The following MDN1 variants were observed in gnomAD, a reference collection of about 807,000 sequenced individuals.
The protein encoded by MDN1 is midasin.
In MDN1, 266 loss-of-function variants were observed where a neutral mutation model predicts 669.2. That is an observed-to-expected ratio of 0.40 (90% CI 0.36 to 0.44). The LOEUF (loss-of-function observed/expected upper bound fraction) is 0.44, where lower values mean the gene tolerates loss of function less well. Among genes scored for constraint, MDN1 ranks in the 20% least tolerant of loss-of-function variants. MDN1 has a pLI of 1.00. For synonymous variants in MDN1, 2,385 were observed against 2,457.1 expected, an observed-to-expected ratio of 0.97 and a Z score of 0.87; for missense variants, 5,940 against 6,754.0, an observed-to-expected ratio of 0.88 and a Z score of 4.22.
intron 86 of MDN1, 138 bp downstream of exon 86, chr6:89,662,654 A>G (rs924132817): frequency 1.2e-5 from 13 of 1,061,342 alleles, no homozygotes; most frequent in Middle Eastern, 2.1e-4. Flanking sequence ...GATAGGATAG[A>G]AAAAAGAAAA....
At position 89,761,689 on chromosome 6, in the gene MDN1, G is replaced by T. The variant is rs918144930; in HGVS notation, c.2416C>A (p.Gln806Lys). ...FGLRLNHAQQ[Q>K]MKMTENTLLF... is the part of the protein sequence containing the mutation. ...AAGGTATTTTCAGTCATTTTCATCT[G>T]TTGTTGGGCATGGTTGAGTCTAAGA... Residue 806 changes from glutamine (Q) to lysine (K), a missense_variant, in exon 17 of 102, where the codon CAG (glutamine) becomes AAG (lysine). Coordinates refer to ENST00000369393, the MANE Select transcript of MDN1 (RefSeq NM_014611.3). 2 of 1,612,710 alleles carry T rather than the reference G, an allele frequency of 1.2e-6. No individual in the cohort carries two copies. The highest frequency in any genetic ancestry group is 1.7e-6 in the Non-Finnish European group (2 of 1,179,330).
At chr6:89,807,344 C>T (rs531431634) in intron 1 of MDN1, among the ~76,000 whole-genome samples, 21 of 152,268 alleles carry the variant, frequency 1.4e-4, no homozygotes, top group Non-Finnish European at 2.6e-4. Context: ...ACCTAAGCCC[C>T]CAAAGTGCTG....
Position 89,730,899 on chromosome 6 carries a change from G to A in MDN1, c.4967C>T (p.Thr1656Ile). The stretch of plus-strand genomic sequence containing the variant: ...ACATTCTTTTCGTGCCAAAAGGGCT[G>A]TACCAAACCCAGAGGAAGTTACCCC... ...GSGVTSSGFGTALLARKECLK... is the reference protein window; with the variant it reads ...GSGVTSSGFGIALLARKECLK... The change falls in exon 35 of 102, where the codon ACA becomes ATA. Residue 1656 changes from threonine (T) to isoleucine (I), a missense_variant. This residue lies in a region of MDN1 where 2,292 missense variants were observed against 2,638.3 expected (regional missense o/e 0.87). Transcript: ENST00000369393. 1 of 1,613,972 alleles carries A rather than the reference G, an allele frequency of 6.2e-7. No homozygotes were observed. The highest frequency in any genetic ancestry group is 1.1e-5 in the South Asian group (1 of 91,080).
At position 89,754,240 on chromosome 6, in the gene MDN1, G is replaced by T. The variant is rs1584320962; in HGVS notation, c.2817-10C>A. 1 of 1,608,798 alleles carries T rather than the reference G, an allele frequency of 6.2e-7. No individual in the cohort carries two copies. Among genetic ancestry groups the T allele is most frequent in the East Asian group, 2.2e-5 (1 of 44,666 alleles). On this transcript the variant is annotated splice_polypyrimidine_tract_variant and intron_variant, in intron 20 of 101. Coordinates refer to ENST00000369393, the MANE Select transcript of MDN1 (RefSeq NM_014611.3). ...CAAAGCTGTGTAGAAGCTACAAATAGAATAAAGGTCAGGCAATTTTATTTA... is the reference window on the plus strand; with the variant it reads ...CAAAGCTGTGTAGAAGCTACAAATATAATAAAGGTCAGGCAATTTTATTTA...
At chr6:89,729,201 C>A in intron 35 of MDN1, 62 bp from the exon 36 acceptor site, 1 of 1,350,478 alleles carries the variant, frequency 7.4e-7, no homozygotes, top group Non-Finnish European at 1.0e-6. Flanking sequence ...ATGTATGCAT[C>A]AACTCAAGAT....
rs775089316 is a variant in MDN1, at chr6:89,696,481, G to A, written c.9262C>T (p.Leu3088Phe). The change falls in exon 60 of 102, where the codon CTC becomes TTC. Residue 3088 changes from leucine (L) to phenylalanine (F), a missense_variant. This residue lies in a region of MDN1 where 2,292 missense variants were observed against 2,638.3 expected (regional missense o/e 0.87). Coordinates refer to ENST00000369393, the MANE Select transcript of MDN1 (RefSeq NM_014611.3). ...ACGTGAGAGGAGGAAAGAATGGGGA[G>A]GCCACTCACATCCCAGGGACTTGCT... Reference protein sequence around the residue: ...WRASPWDVSGLPILSSSHVTL... With the variant: ...WRASPWDVSGFPILSSSHVTL... The A allele has an allele frequency of 1.2e-5, 19 of 1,614,130 alleles. No individual in the cohort carries two copies. In the South Asian group the frequency reaches 2.1e-4, roughly 18 times the overall value.
At chr6:89,768,893 T>C (rs970856322) in intron 15 of MDN1, among the ~76,000 whole-genome samples, 13 of 152,104 alleles carry the variant, frequency 8.5e-5, no homozygotes, top group Non-Finnish European at 1.8e-4. Context: ...TCATCTCTAC[T>C]AAAAATAAAT....
At chr6:89,734,537 AGCTACTTG>A (rs1815798148) in intron 33 of MDN1, among the ~76,000 whole-genome samples, 1 of 151,754 alleles carries the variant, frequency 6.6e-6, no homozygotes, top group African/African-American at 2.4e-5. Flanking sequence ...CTGTAGTTCC[AGCTACTTG>A]GCTACTTGGG....
intron 53 of MDN1, among the ~76,000 whole-genome samples, chr6:89,705,160 C>T (rs1435877650): frequency 6.6e-6 from 1 of 152,136 alleles, no homozygotes; most frequent in Non-Finnish European, 1.5e-5. Context: ...AACAGTTCCA[C>T]ATTTCTCAAA....
intron 76 of MDN1, among the ~76,000 whole-genome samples, chr6:89,676,506 A>G (rs898481328): frequency 6.6e-6 from 1 of 152,178 alleles, no homozygotes; most frequent in African/African-American, 2.4e-5. Context: ...GGCAAATAAC[A>G]TAAGAGGACT....
chr6:89,654,361 T>C (rs1809099607), intron 92 of MDN1, 27 bp from the exon 93 acceptor site: 2 of 1,612,674 alleles, frequency 1.2e-6, no homozygotes, highest in Admixed American at 1.7e-5. Flanking sequence ...CACCCACACA[T>C]AAAAATCCTA....
chr6:89,815,353 G>T (rs1263032171), intron 1 of MDN1: 1 of 461,508 alleles, frequency 2.2e-6, no homozygotes, highest in South Asian at 1.7e-5. Flanking sequence ...TATGGCGGAA[G>T]AGAGTGGTGA....
chr6:89,647,323 G>A (rs760523988), intron 99 of MDN1, among the ~76,000 whole-genome samples: 7 of 152,174 alleles, frequency 4.6e-5, no homozygotes, highest in Non-Finnish European at 8.8e-5. Context: ...ATCAGAGCAG[G>A]ACCCAGGAGA....
At chr6:89,773,611 C>T (rs892761603) in intron 13 of MDN1, among the ~76,000 whole-genome samples, 11 of 151,006 alleles carry the variant, frequency 7.3e-5, no homozygotes, top group Non-Finnish European at 1.5e-4. Flanking sequence ...ACAACAGAGA[C>T]AGAACTTAGA....
chr6:89,758,012 C>T (rs777683789), intron 19 of MDN1, among the ~76,000 whole-genome samples: 5 of 152,178 alleles, frequency 3.3e-5, no homozygotes, highest in Admixed American at 6.5e-5. Context: ...CACACCACTG[C>T]ACTCCAGCCT....
At position 89,656,604 on chromosome 6, in the gene MDN1, G is replaced by A. The variant is rs73752800; in HGVS notation, c.15285+96C>T. 11 of 936,576 alleles carry A rather than the reference G, an allele frequency of 1.2e-5. No individual in the cohort carries two copies. In the African/African-American group the frequency reaches 1.9e-4, roughly 16 times the overall value. The allele number at this position is 936,576 out of a possible 1,614,324, so 58.0% of individuals were successfully genotyped here. On this transcript the variant is annotated intron_variant, in intron 91 of 101. Coordinates refer to ENST00000369393, the MANE Select transcript of MDN1 (RefSeq NM_014611.3). The stretch of plus-strand genomic sequence containing the variant: ...TGCAACAACAACAAAAAAACCAGGA[G>A]TATAGCTTTTTTTTTTTTTTTTTAA...
intron 43 of MDN1, 124 bp from the exon 44 acceptor site, chr6:89,716,933 G>A: frequency 9.0e-7 from 1 of 1,108,862 alleles, no homozygotes; most frequent in Non-Finnish European, 1.2e-6. Context: ...AGAATAAATA[G>A]AAGAATGTTT....
At position 89,705,986 on chromosome 6, in the gene MDN1, T is replaced by C; in HGVS notation, c.8148+73A>G. On this transcript the variant is annotated intron_variant, in intron 53 of 101. Coordinates refer to ENST00000369393, the MANE Select transcript of MDN1 (RefSeq NM_014611.3). ...CATATAACAACACTAAAGTTAGTCTTAGCCCTAAGAATCTTTATGCCAAGA... is the reference window on the plus strand; with the variant it reads ...CATATAACAACACTAAAGTTAGTCTCAGCCCTAAGAATCTTTATGCCAAGA... The C allele has an allele frequency of 3.6e-6, 5 of 1,381,148 alleles. No individual in the cohort carries two copies. In the Admixed American group the frequency reaches 1.1e-4, roughly 31 times the overall value. 85.6% of individuals were successfully genotyped at this position (1,381,148 alleles called of 1,614,324 possible). A position where few individuals can be genotyped will look rare whatever the true frequency, so the allele number is the denominator to read the frequency against.
At chr6:89,736,586 T>A (rs144646345) in intron 33 of MDN1, among the ~76,000 whole-genome samples, 395 of 151,254 alleles carry the variant, frequency 2.6e-3, no homozygotes, top group African/African-American at 8.9e-3. Flanking sequence ...AGCCCAGGAG[T>A]TCCAGACTAG....
Sources: allele counts gnomAD v4.1 joint callset (sites outside exome capture counted in the v4.1 genomes callset), GRCh38; gene constraint gnomAD v4.1.1; regional missense constraint gnomAD v4.1.1; transcripts MANE v1.5; gene names NCBI Gene and HGNC (gene_info 2026-07-23, HGNC 2026-07-21).